CCT4: variants seen among roughly 807,000 people sequenced by gnomAD.
CCT4 encodes T-complex protein 1 subunit delta.
Under a neutral mutation model 62.5 loss-of-function variants are expected in CCT4, and 17 were observed. That is an observed-to-expected ratio of 0.27 (90% CI 0.19 to 0.41). CCT4 has a LOEUF of 0.41. CCT4 is among the 10% of genes least tolerant of loss of function. The probability of loss-of-function intolerance (pLI) is 1.00; values close to 1 mark genes in which losing one functional copy is unlikely to be tolerated. For missense variants in CCT4, 592 were observed against 659.2 expected (o/e 0.90, Z 1.12); for synonymous variants, 250 against 229.9 (o/e 1.09, Z -0.79).
chr2:61,880,601 C>T (rs1042032181), intron 3 of CCT4, among the ~76,000 whole-genome samples: 1 of 152,148 alleles, frequency 6.6e-6, no homozygotes, highest in African/African-American at 2.4e-5. Flanking sequence ...TTGTCATCTC[C>T]CCCTGCCCTG....
chr2:61,871,181 G>A (rs923919554), intron 12 of CCT4, among the ~76,000 whole-genome samples: 4 of 151,718 alleles, frequency 2.6e-5, no homozygotes, highest in African/African-American at 7.3e-5. Flanking sequence ...ACAGATATCC[G>A]CCACTTCGCC....
At chr2:61,874,975 T>C (rs917300216) in intron 8 of CCT4, among the ~76,000 whole-genome samples, 12 of 151,976 alleles carry the variant, frequency 7.9e-5, no homozygotes, top group African/African-American at 2.7e-4. Flanking sequence ...AAACCCCGTC[T>C]CTACTAAAAA....
chr2:61,879,141 C>T (rs1306336555), intron 4 of CCT4, 130 bp from the exon 5 acceptor site: 2 of 631,372 alleles, frequency 3.2e-6, no homozygotes, highest in Non-Finnish European at 5.4e-6. Flanking sequence ...ACTTATGCTT[C>T]AGTTGTAATA....
intron 1 of CCT4, among the ~76,000 whole-genome samples, chr2:61,885,471 G>C (rs1045210208): frequency 6.6e-6 from 1 of 152,050 alleles, no homozygotes; most frequent in Non-Finnish European, 1.5e-5. Context: ...AGTGCAGTGA[G>C]GCAATCTCGG....
At chr2:61,879,486 C>A (rs77541346) in intron 4 of CCT4, among the ~76,000 whole-genome samples, 5 of 147,716 alleles carry the variant, frequency 3.4e-5, no homozygotes, top group Admixed American at 2.7e-4. Flanking sequence ...CCATGTTGCC[C>A]AGTCTGGTCT....
chr2:61,872,252 G>A lies in CCT4; in HGVS notation c.1321C>T (p.Arg441Ter), dbSNP rs777041485. The A allele has an allele frequency of 1.2e-6, 2 of 1,613,186 alleles. No individual in the cohort carries two copies. Among genetic ancestry groups the A allele is most frequent in the Non-Finnish European group, 1.7e-6 (2 of 1,179,400 alleles). The change falls in exon 12 of 14, where the codon CGA (arginine) becomes TGA (stop). Residue 441 changes from arginine to a stop codon, truncating the protein, a stop_gained. Transcript: ENST00000394440. LOFTEE classifies it high-confidence loss of function. ...ELALRLTEYS[R>*]TLSGMESYCV... Reference sequence around the variant, plus strand: ...TAGGATTCCATACCACTCAGTGTTCGTGAATATTCAGTTAATCGTAGGGCC... The same window carrying A: ...TAGGATTCCATACCACTCAGTGTTCATGAATATTCAGTTAATCGTAGGGCC...
intron 6 of CCT4, 152 bp from the exon 7 acceptor site, chr2:61,877,204 GCTGC>G: frequency 1.1e-6 from 1 of 879,008 alleles, no homozygotes. Flanking sequence ...TTGATCCACT[GCTGC>G]CTTACTATCA....
At chr2:61,869,419 T>G (rs762639601) in intron 13 of CCT4, 21 bp downstream of exon 13, 4 of 1,406,668 alleles carry the variant, frequency 2.8e-6, no homozygotes, top group Non-Finnish European at 4.0e-6. Context: ...CTAAGAAAAT[T>G]TGCAACCTGG....
intron 12 of CCT4, 27 bp downstream of exon 12, chr2:61,872,055 T>A: frequency 1.4e-6 from 2 of 1,439,942 alleles, no homozygotes; most frequent in Non-Finnish European, 1.9e-6. Flanking sequence ...TAATCAATAT[T>A]TTCTACATTA....
chr2:61,880,227 T>A (rs1669084224), intron 4 of CCT4, 59 bp downstream of exon 4: 13 of 747,156 alleles, frequency 1.7e-5, no homozygotes, highest in Non-Finnish European at 2.6e-5. Context: ...AACTTGGCTT[T>A]TCCTAAAGTT....
At chr2:61,887,381 C>T (rs1435129289) in intron 1 of CCT4, among the ~76,000 whole-genome samples, 1 of 152,196 alleles carries the variant, frequency 6.6e-6, no homozygotes, top group Admixed American at 6.5e-5. Flanking sequence ...AGCAAGCCTA[C>T]ACGATGGCTA....
At position 61,888,597 on chromosome 2, in the gene CCT4, T is replaced by C. The variant is rs1361386329; in HGVS notation, c.-90A>G. Reference sequence around the variant, plus strand: ...CAGTGTAATAACGGTAAGCCCTCACTGCCTTCACGAACCTTCCAGAAAGCG... The same window carrying C: ...CAGTGTAATAACGGTAAGCCCTCACCGCCTTCACGAACCTTCCAGAAAGCG... On this transcript the variant is annotated 5_prime_UTR_variant, in exon 1 of 14. Transcript: ENST00000394440. 10 of 1,450,168 alleles carry C rather than the reference T, an allele frequency of 6.9e-6. No homozygotes were observed. The highest frequency in any genetic ancestry group is 4.8e-5 in the East Asian group (2 of 41,416). 89.8% of individuals were successfully genotyped at this position (1,450,168 alleles called of 1,614,324 possible).
At chr2:61,884,307 C>CT (rs1020446494) in intron 2 of CCT4, among the ~76,000 whole-genome samples, 1 of 151,280 alleles carries the variant, frequency 6.6e-6, no homozygotes, top group Non-Finnish European at 1.5e-5. Context: ...ACACTTTTTA[C>CT]TTTTTTTTTG....
chr2:61,884,263 G>T (rs561118113), intron 2 of CCT4, among the ~76,000 whole-genome samples: 5 of 152,242 alleles, frequency 3.3e-5, no homozygotes, highest in African/African-American at 1.2e-4. Flanking sequence ...TGACTCCAAA[G>T]TAACCTCTCC....
intron 1 of CCT4, 40 bp from the exon 2 acceptor site, chr2:61,885,112 T>A: frequency 1.3e-6 from 1 of 789,348 alleles, no homozygotes; most frequent in African/African-American, 4.0e-5. Context: ...AAATTAGAAC[T>A]TTTTTTTTTT....
chr2:61,886,505 C>T (rs1416740492), intron 1 of CCT4, among the ~76,000 whole-genome samples: 3 of 152,162 alleles, frequency 2.0e-5, no homozygotes, highest in Non-Finnish European at 2.9e-5. Flanking sequence ...TAAAACATCT[C>T]TGGGGCCGGG....
Position 61,868,334 on chromosome 2 carries a change from ATATAT to A in CCT4, c.*353_*357del, listed in dbSNP as rs567496062. ...GGATCATTAACTTTTAAGACAGCATATATATTATATGTTGGTAGTTTTTAAGGCCA... is the reference window on the plus strand; with the variant it reads ...GGATCATTAACTTTTAAGACAGCATATATATGTTGGTAGTTTTTAAGGCCA... On this transcript the variant is annotated 3_prime_UTR_variant, in exon 14 of 14. Transcript: ENST00000394440. 1.4e-5 allele frequency: 3 copies of A among 211,692 alleles called. No individual in the cohort carries two copies. Among genetic ancestry groups the A allele is most frequent in the Non-Finnish European group, 2.9e-5 (3 of 104,950 alleles). 13.1% of individuals were successfully genotyped at this position (211,692 alleles called of 1,614,324 possible). A position where few individuals can be genotyped will look rare whatever the true frequency, so the allele number is the denominator to read the frequency against.
At chr2:61,886,889 A>C (rs935554738) in intron 1 of CCT4, among the ~76,000 whole-genome samples, 8 of 151,944 alleles carry the variant, frequency 5.3e-5, no homozygotes, top group Non-Finnish European at 1.0e-4. Context: ...CCTCCCGAGT[A>C]GCTGGGACTA....
intron 4 of CCT4, among the ~76,000 whole-genome samples, chr2:61,879,255 A>G (rs199750834): frequency 4.2e-5 from 3 of 70,832 alleles, no homozygotes; most frequent in Non-Finnish European, 5.4e-5. Flanking sequence ...CAAATTTTAT[A>G]CTTTTTTTTT....
Sources: allele counts gnomAD v4.1 joint callset (sites outside exome capture counted in the v4.1 genomes callset), GRCh38; gene constraint gnomAD v4.1.1; transcripts MANE v1.5; gene names NCBI Gene and HGNC (gene_info 2026-07-23, HGNC 2026-07-21).